WDFY4: variants seen among roughly 807,000 people sequenced by gnomAD.
WDFY4 encodes the protein WDFY family member 4, also known as WD repeat- and FYVE domain-containing protein 4.
A neutral mutation model predicts 351.9 loss-of-function variants in WDFY4; 169 were observed. The ratio of observed to expected loss-of-function variants is 0.48; its 90% CI spans 0.42 to 0.55. WDFY4 has a LOEUF of 0.55. Ranked by LOEUF, WDFY4 falls within the 20% of genes least tolerant of loss-of-function variation. The pLI is 0.00. For synonymous variants in WDFY4, 1,622 were observed against 1,574.6 expected (o/e 1.03, Z -0.71); for missense variants, 3,803 against 3,935.6 (o/e 0.97, Z 0.90).
chr10:48,969,177 C>T lies in WDFY4; in HGVS notation c.8698C>T (p.Leu2900Phe). 6.4e-7 allele frequency: 1 copy of T among 1,551,714 alleles called. No individual in the cohort carries two copies. Among genetic ancestry groups the T allele is most frequent in the Non-Finnish European group, 8.7e-7 (1 of 1,146,964 alleles). The change falls in exon 56 of 62, where the codon CTC becomes TTC. Residue 2900 changes from leucine (L) to phenylalanine (F), a missense_variant. Coordinates refer to ENST00000325239, the MANE Select transcript of WDFY4 (RefSeq NM_001394531.1). ...GAGGAACAAAGTGCTGCTGCCTCCTCTCTGGAACAGGACCTTCAGCTGGGG... is the reference window on the plus strand; with the variant it reads ...GAGGAACAAAGTGCTGCTGCCTCCTTTCTGGAACAGGACCTTCAGCTGGGG... ...VERNKVLLPPLWNRTFSWGFD... is the reference protein window; with the variant it reads ...VERNKVLLPPFWNRTFSWGFD...
chr10:48,977,707 C>T (rs1398310196), intron 59 of WDFY4, among the ~76,000 whole-genome samples: 2 of 152,242 alleles, frequency 1.3e-5, no homozygotes, highest in African/African-American at 4.8e-5. Flanking sequence ...TCTGTGCACT[C>T]AGCACTCATT....
chr10:48,863,623 A>C (rs781525539), intron 39 of WDFY4, among the ~76,000 whole-genome samples: 2 of 151,942 alleles, frequency 1.3e-5, no homozygotes, highest in Non-Finnish European at 2.9e-5. Flanking sequence ...TGTAATTTAT[A>C]ATTTTTTTTT....
intron 44 of WDFY4, among the ~76,000 whole-genome samples, chr10:48,891,298 T>C (rs2070685189): frequency 1.3e-5 from 2 of 152,152 alleles, no homozygotes; most frequent in Admixed American, 6.5e-5. Context: ...TTGAAGTCAT[T>C]TTTACACAAG....
intron 49 of WDFY4, among the ~76,000 whole-genome samples, chr10:48,945,819 A>G (rs901945275): frequency 1.3e-5 from 2 of 152,104 alleles, no homozygotes; most frequent in African/African-American, 4.8e-5. Context: ...TTGAGTGTGA[A>G]CTCAGTCTTC....
chr10:48,772,410 C>T (rs1037399502), intron 13 of WDFY4, among the ~76,000 whole-genome samples: 6 of 149,490 alleles, frequency 4.0e-5, no homozygotes, highest in Non-Finnish European at 5.9e-5. Flanking sequence ...GACGCGTGTG[C>T]GTGTGTATGT....
At chr10:48,829,994 G>T (rs1262988322) in intron 37 of WDFY4, among the ~76,000 whole-genome samples, 1 of 152,220 alleles carries the variant, frequency 6.6e-6, no homozygotes, top group East Asian at 1.9e-4. Context: ...GGCCAGTAGA[G>T]CTGGGCTGGG....
chr10:48,950,130 G>A (rs962611156), intron 51 of WDFY4, among the ~76,000 whole-genome samples: 11 of 152,084 alleles, frequency 7.2e-5, no homozygotes, highest in Non-Finnish European at 1.3e-4. Context: ...TGCAGCCATC[G>A]CCACCATCTG....
At chr10:48,790,608 C>T (rs2066645583) in intron 22 of WDFY4, 119 bp from the exon 23 acceptor site, 8 of 1,182,724 alleles carry the variant, frequency 6.8e-6, no homozygotes, top group Admixed American at 4.6e-5. Flanking sequence ...GCACAGGTCC[C>T]TCTGGCTGTG....
intron 2 of WDFY4, among the ~76,000 whole-genome samples, chr10:48,711,153 T>C (rs2063758917): frequency 6.6e-6 from 1 of 152,216 alleles, no homozygotes; most frequent in African/African-American, 2.4e-5. Context: ...ATTTAAGGGT[T>C]TCCAAAGATT....
intron 39 of WDFY4, among the ~76,000 whole-genome samples, chr10:48,854,421 T>C (rs1415605807): frequency 6.6e-6 from 1 of 152,146 alleles, no homozygotes; most frequent in Non-Finnish European, 1.5e-5. Flanking sequence ...AAGTCTTTTT[T>C]TTTCAACTGA....
chr10:48,916,498 G>T (rs1172134387), intron 47 of WDFY4, among the ~76,000 whole-genome samples: 1 of 152,228 alleles, frequency 6.6e-6, no homozygotes, highest in Non-Finnish European at 1.5e-5. Flanking sequence ...TGACCAAACT[G>T]TGGTCCTCAG....
Position 48,946,841 on chromosome 10 carries a change from G to A in WDFY4, c.7868-19G>A, listed in dbSNP as rs927698778. On this transcript the variant is annotated intron_variant, in intron 50 of 61. Transcript: ENST00000325239. ...GTGCAGGTAAGGAAGCAGCCCTCAA[G>A]CATGTGTTTTTGTTGCAGGAGACAT... The A allele has an allele frequency of 6.5e-7, 1 of 1,543,130 alleles. No homozygotes were observed. Among genetic ancestry groups the A allele is most frequent in the Admixed American group, 2.0e-5 (1 of 50,994 alleles).
chr10:48,769,771 G>A (rs1227451778), intron 13 of WDFY4, among the ~76,000 whole-genome samples: 1 of 152,224 alleles, frequency 6.6e-6, no homozygotes, highest in East Asian at 1.9e-4. Flanking sequence ...AGAAAGTGGG[G>A]AACAGAGAGA....
intron 7 of WDFY4, among the ~76,000 whole-genome samples, chr10:48,728,652 G>T (rs2064350742): frequency 6.6e-6 from 1 of 152,246 alleles, no homozygotes; most frequent in African/African-American, 2.4e-5. Flanking sequence ...ATACCCTAGT[G>T]CCTTCCTCCA....
At chr10:48,902,343 C>A (rs545652447) in intron 47 of WDFY4, among the ~76,000 whole-genome samples, 3 of 152,104 alleles carry the variant, frequency 2.0e-5, no homozygotes, top group Non-Finnish European at 4.4e-5. Flanking sequence ...GCTTGCAGTC[C>A]CCCCCGCCGC....
intron 46 of WDFY4, among the ~76,000 whole-genome samples, chr10:48,900,591 A>G (rs1837304253): frequency 6.6e-6 from 1 of 152,240 alleles, no homozygotes; most frequent in South Asian, 2.1e-4. Context: ...CGCAGCTACC[A>G]CAGAGTTAAG....
chr10:48,723,311 T>G, intron 4 of WDFY4, 122 bp from the exon 5 acceptor site: 3 of 1,256,930 alleles, frequency 2.4e-6, no homozygotes, highest in Non-Finnish European at 3.2e-6. Flanking sequence ...ACTTGAGGAC[T>G]GGAGCCCAGA....
chr10:48,699,351 G>A (rs2063417678), intron 1 of WDFY4, among the ~76,000 whole-genome samples: 2 of 152,182 alleles, frequency 1.3e-5, no homozygotes, highest in African/African-American at 4.8e-5. Flanking sequence ...GGGACCTATT[G>A]TAACATCCAG....
chr10:48,754,028 G>T (rs918570157), intron 12 of WDFY4, among the ~76,000 whole-genome samples: 11 of 152,102 alleles, frequency 7.2e-5, no homozygotes, highest in Non-Finnish European at 4.4e-5. Flanking sequence ...ATGATCATCT[G>T]TTTTTTGCCT....
Sources: gnomAD v4.1 joint callset for allele counts (sites outside exome capture counted in the v4.1 genomes callset) on GRCh38, gnomAD v4.1.1 for gene constraint, MANE v1.5 for transcripts, NCBI Gene and HGNC (gene_info 2026-07-23, HGNC 2026-07-21) for gene names.